The following RDH8 variants were observed in gnomAD, a reference collection of about 807,000 sequenced individuals.
RDH8 encodes the protein retinol dehydrogenase 8, also known as photoreceptor outer segment all-trans retinol dehydrogenase.
In RDH8, 14 loss-of-function variants were observed where a neutral mutation model predicts 22.3. That is an observed-to-expected ratio of 0.63 (90% CI 0.42 to 0.98). The LOEUF is 0.98. Ranked by LOEUF, RDH8 falls within the 50% of genes least tolerant of loss-of-function variation. RDH8 has a pLI of 0.00. For synonymous variants in RDH8, 175 were observed against 171.7 expected (o/e 1.02, Z -0.15); for missense variants, 389 against 409.8 (o/e 0.95, Z 0.44).
At chr19:10,016,086 C>T (rs2087612462) in intron 1 of RDH8, among the ~76,000 whole-genome samples, 2 of 151,182 alleles carry the variant, frequency 1.3e-5, no homozygotes, top group South Asian at 4.2e-4. Flanking sequence ...ATTGTCTTAC[C>T]TACTAGGCTA....
At chr19:10,013,969 A>G (rs1025906354) in intron 1 of RDH8, among the ~76,000 whole-genome samples, 2 of 151,968 alleles carry the variant, frequency 1.3e-5, no homozygotes, top group African/African-American at 4.8e-5. Context: ...TTATTTTTAG[A>G]AGGGTTTCAC....
chr19:10,020,723 G>T lies in RDH8; in HGVS notation c.457G>T (p.Asp153Tyr), dbSNP rs776977322. ...VMGLQGVIFN[D>Y]VYAASKFALE... The stretch of plus-strand genomic sequence containing the variant: ...GACCCTCACAGGTGTCATCTTCAAC[G>T]ATGTCTATGCAGCTTCCAAGTTCGC... Residue 153 changes from aspartate (D) to tyrosine (Y), a missense_variant, in exon 4 of 6, where the codon GAT becomes TAT. Physicochemically the swap from Asp to Tyr is radical, Grantham distance 160 (BLOSUM62 -3). Coordinates refer to ENST00000591589, the MANE Select transcript of RDH8 (RefSeq NM_015725.4). 6.2e-7 allele frequency: 1 copy of T among 1,609,844 alleles called. No individual in the cohort carries two copies. Among genetic ancestry groups the T allele is most frequent in the Middle Eastern group, 1.7e-4 (1 of 6,056 alleles).
chr19:10,021,091 T>C (rs1236605754), intron 4 of RDH8, 164 bp from the exon 5 acceptor site: 1 of 686,084 alleles, frequency 1.5e-6, no homozygotes, highest in African/African-American at 1.8e-5. Flanking sequence ...GGAGGATTGT[T>C]TGAACCCAGG....
rs1405634251 is a variant in RDH8, at chr19:10,021,327, T to A, written c.609T>A (p.Ala203=). Residue 203 remains alanine (A), a synonymous_variant, in exon 5 of 6, where the codon GCT becomes GCA. Coordinates refer to ENST00000591589, the MANE Select transcript of RDH8 (RefSeq NM_015725.4). ...AGCTTCTGGCGCAGGTTTCTATGGC[T>A]GAGTTCCCAGGCACTGACCCTGAGA... is the stretch of plus-strand genomic sequence containing the variant. ...EGKLLAQVSM[A]EFPGTDPETL... The A allele has an allele frequency of 1.1e-5, 18 of 1,614,054 alleles. No homozygotes were observed. The highest frequency in any genetic ancestry group is 1.5e-5 in the Non-Finnish European group (18 of 1,179,978).
In RDH8 at chr19:10,021,531, C is replaced by T; in HGVS notation, c.721-3C>T. The T allele has an allele frequency of 6.2e-7, 1 of 1,614,044 alleles. No individual in the cohort carries two copies. The highest frequency in any genetic ancestry group is 8.5e-7 in the Non-Finnish European group (1 of 1,179,964). ...CCCAGCGCTCAGGGCCTCCATTCTG[C>T]AGGCCATTGTCAACGTCATCAGCTC... is the stretch of plus-strand genomic sequence containing the variant. On this transcript the variant is annotated splice_region_variant and splice_polypyrimidine_tract_variant and intron_variant, in intron 5 of 5. Transcript: ENST00000591589.
At chr19:10,019,970 GTC>G (rs2087645450) in intron 3 of RDH8, among the ~76,000 whole-genome samples, 1 of 151,284 alleles carries the variant, frequency 6.6e-6, no homozygotes, top group Non-Finnish European at 1.5e-5. Flanking sequence ...GTGAAACTCC[GTC>G]TCTAGTAAAA....
chr19:10,017,647 C>G (rs2087629335), intron 2 of RDH8, among the ~76,000 whole-genome samples: 1 of 151,970 alleles, frequency 6.6e-6, no homozygotes, highest in South Asian at 2.1e-4. Context: ...GACCTTGTCT[C>G]AAAAATAATT....
Position 10,021,698 on chromosome 19 carries a change from C to T in RDH8, c.885C>T (p.Gly295=), listed in dbSNP as rs929933309. 2 of 1,614,000 alleles carry T rather than the reference C, an allele frequency of 1.2e-6. No individual in the cohort carries two copies. Among genetic ancestry groups the T allele is most frequent in the Admixed American group, 1.7e-5 (1 of 60,002 alleles). Residue 295 remains glycine, a synonymous_variant, in exon 6 of 6, where the codon GGC becomes GGT. Coordinates refer to ENST00000591589, the MANE Select transcript of RDH8 (RefSeq NM_015725.4). ...GCTGTCCACGCCTCCTCAACCTTGG[C>T]CTTCAATGTCTGTCCTGCGGCTGCC... ...LFRCPRLLNL[G]LQCLSCGCLP...
At chr19:10,021,023 A>G (rs2087654239) in intron 4 of RDH8, 1 of 627,408 alleles carries the variant, frequency 1.6e-6, no homozygotes, top group African/African-American at 1.8e-5. Flanking sequence ...AAATTTAAAA[A>G]TTAGCCAAGG....
chr19:10,014,629 C>G (rs2087595478), intron 1 of RDH8, among the ~76,000 whole-genome samples: 1 of 152,172 alleles, frequency 6.6e-6, no homozygotes, highest in Admixed American at 6.5e-5. Context: ...GCCTCCACTT[C>G]CCACGTTCAA....
intron 3 of RDH8, among the ~76,000 whole-genome samples, chr19:10,019,116 G>A (rs1204131732): frequency 6.6e-6 from 1 of 151,456 alleles, no homozygotes; most frequent in African/African-American, 2.4e-5. Flanking sequence ...GGGCAACATG[G>A]TGAAAGCCCG....
intron 2 of RDH8, 150 bp downstream of exon 2, chr19:10,017,365 G>A (rs1329950666): frequency 4.1e-6 from 3 of 729,376 alleles, no homozygotes; most frequent in Non-Finnish European, 6.0e-6. Context: ...AAGAGGGGTA[G>A]ACCAGTTGGT....
Position 10,021,945 on chromosome 19 carries a change from A to C in RDH8, c.*196A>C. The C allele has an allele frequency of 1.6e-6, 1 of 634,758 alleles. No homozygotes were observed. The highest frequency in any genetic ancestry group is 3.1e-5 in the Admixed American group (1 of 32,672). The allele number at this position is 634,758 out of a possible 1,614,324, so 39.3% of individuals were successfully genotyped here. On this transcript the variant is annotated 3_prime_UTR_variant, in exon 6 of 6. Coordinates refer to ENST00000591589, the MANE Select transcript of RDH8 (RefSeq NM_015725.4). ...ACTCCTCTGTGGTCACAGCTGGAGC[A>C]CAGAGAGGGACCCTGGGAACTTGGC...
chr19:10,016,943 A>G (rs2087622924), intron 1 of RDH8, 114 bp from the exon 2 acceptor site: 1 of 1,175,754 alleles, frequency 8.5e-7, no homozygotes, highest in South Asian at 1.9e-5. Flanking sequence ...AGGTGTGTAA[A>G]CTTGTGAGTT....
chr19:10,015,881 G>A (rs967976037), intron 1 of RDH8, among the ~76,000 whole-genome samples: 6 of 151,850 alleles, frequency 4.0e-5, no homozygotes, highest in Non-Finnish European at 5.9e-5. Context: ...GAACCCAGGA[G>A]GTGGAGGTTG....
At position 10,020,324 on chromosome 19, in the gene RDH8, G is replaced by C. The variant is rs142832889; in HGVS notation, c.443-385G>C. Among the ~76,000 whole-genome samples, 609 of 121,124 alleles carry C rather than the reference G, an allele frequency of 5.0e-3. 2 individuals carry two copies. The highest frequency in any genetic ancestry group is 8.3e-3 in the Admixed American group (94 of 11,286). The allele number at this position is 121,124 out of a possible 152,430, so 79.5% of individuals were successfully genotyped here. A position where few individuals can be genotyped will look rare whatever the true frequency, so the allele number is the denominator to read the frequency against. On this transcript the variant is annotated intron_variant, in intron 3 of 5. Transcript: ENST00000591589. ...CAAAAAAGAAAAAGAAAAAGAGAGAGAGAGAGAAGGAAGGAAGGAGGGAGG... is the reference window on the plus strand; with the variant it reads ...CAAAAAAGAAAAAGAAAAAGAGAGACAGAGAGAAGGAAGGAAGGAGGGAGG...
rs2087636207 is a variant in RDH8 at position 10,018,583 on chromosome 19, G to A, written c.263-148G>A. 3 of 609,570 alleles carry A rather than the reference G, an allele frequency of 4.9e-6. No homozygotes were observed. In the South Asian group the frequency reaches 7.9e-5, roughly 16 times the overall value. The allele number at this position is 609,570 out of a possible 1,614,324, so 37.8% of individuals were successfully genotyped here. The stretch of plus-strand genomic sequence containing the variant: ...TGACAAATGCTAAACTGTGTTTAAA[G>A]GTTACCAAGGTTTCATATTTGTCCA... On this transcript the variant is annotated intron_variant, in intron 2 of 5. Coordinates refer to ENST00000591589, the MANE Select transcript of RDH8 (RefSeq NM_015725.4).
chr19:10,016,907 G>A, intron 1 of RDH8, 150 bp from the exon 2 acceptor site: 1 of 743,972 alleles, frequency 1.3e-6, no homozygotes. Flanking sequence ...ACACAAGTGT[G>A]CACTTGTTGG....
intron 1 of RDH8, among the ~76,000 whole-genome samples, chr19:10,015,628 CA>C (rs576203480): frequency 0.013 from 1,604 of 120,352 alleles, 18 homozygotes; most frequent in African/African-American, 0.04. Context: ...GACTCCGTCT[CA>C]AAAAAAAAAA....
Sources: allele counts gnomAD v4.1 joint callset (sites outside exome capture counted in the v4.1 genomes callset), GRCh38; gene constraint gnomAD v4.1.1; transcripts MANE v1.5; gene names NCBI Gene and HGNC (gene_info 2026-07-23, HGNC 2026-07-21).